MACROD2: variants seen among roughly 807,000 people sequenced by gnomAD.
MACROD2 encodes the protein mono-ADP ribosylhydrolase 2.
A neutral mutation model predicts 70.4 loss-of-function variants in MACROD2; 36 were observed. That is an observed-to-expected ratio of 0.51 (90% CI 0.39 to 0.68). The LOEUF (loss-of-function observed/expected upper bound fraction) is 0.68, where lower values mean the gene tolerates loss of function less well. Among genes scored for constraint, MACROD2 ranks in the 30% least tolerant of loss-of-function variants. MACROD2 has a pLI of 0.00. For synonymous variants in MACROD2, 172 were observed against 178.8 expected (o/e 0.96, Z 0.30); for missense variants, 496 against 538.4 (o/e 0.92, Z 0.78).
chr20:15,849,562 T>G (rs1248017957), intron 8 of MACROD2, among the ~76,000 whole-genome samples: 1 of 152,220 alleles, frequency 6.6e-6, no homozygotes, highest in East Asian at 1.9e-4. Flanking sequence ...TTTCTCCCAC[T>G]GATGGCATCT....
intron 6 of MACROD2, among the ~76,000 whole-genome samples, chr20:15,235,075 A>G (rs2077002011): frequency 6.6e-6 from 1 of 152,194 alleles, no homozygotes; most frequent in Non-Finnish European, 1.5e-5. Context: ...ATATTTGTCA[A>G]TCATATTAGG....
chr20:14,677,036 A>G (rs977315352), intron 4 of MACROD2, among the ~76,000 whole-genome samples: 1 of 152,102 alleles, frequency 6.6e-6, no homozygotes, highest in Non-Finnish European at 1.5e-5. Flanking sequence ...ATAGCTCTAC[A>G]TTCATTACTG....
At chr20:15,279,706 AGTAATTC>A (rs1279989660) in intron 6 of MACROD2, among the ~76,000 whole-genome samples, 5 of 152,348 alleles carry the variant, frequency 3.3e-5, no homozygotes, top group African/African-American at 1.2e-4. Flanking sequence ...ATCTACAAAT[AGTAATTC>A]ATAATGACTG....
At chr20:14,804,654 G>T (rs1003270116) in intron 5 of MACROD2, among the ~76,000 whole-genome samples, 3 of 151,964 alleles carry the variant, frequency 2.0e-5, no homozygotes, top group African/African-American at 7.3e-5. Context: ...GGGGTCTTCT[G>T]ATAGTGCTTC....
chr20:15,969,858 T>C (rs1371266612), intron 13 of MACROD2, among the ~76,000 whole-genome samples: 1 of 151,204 alleles, frequency 6.6e-6, no homozygotes, highest in Non-Finnish European at 1.5e-5. Flanking sequence ...CTAAGCAGAA[T>C]AAATATAAAT....
At chr20:15,683,561 C>T (rs2050188797) in intron 8 of MACROD2, among the ~76,000 whole-genome samples, 1 of 152,062 alleles carries the variant, frequency 6.6e-6, no homozygotes, top group African/African-American at 2.4e-5. Flanking sequence ...AGTCATTTAC[C>T]ATCCCTCAGG....
At chr20:15,562,031 T>C (rs1365917549) in intron 8 of MACROD2, among the ~76,000 whole-genome samples, 1 of 152,164 alleles carries the variant, frequency 6.6e-6, no homozygotes, top group East Asian at 1.9e-4. Context: ...TCTCGTACCA[T>C]TGGAAACAAT....
chr20:14,457,207 T>C (rs1457176178), intron 3 of MACROD2, among the ~76,000 whole-genome samples: 2 of 152,080 alleles, frequency 1.3e-5, no homozygotes, highest in Non-Finnish European at 2.9e-5. Flanking sequence ...TGTGAGAGGA[T>C]TAAAGATTCA....
intron 5 of MACROD2, among the ~76,000 whole-genome samples, chr20:14,945,118 T>C (rs999301854): frequency 1.3e-5 from 2 of 151,920 alleles, no homozygotes; most frequent in African/African-American, 4.8e-5. Flanking sequence ...TTCTTTCTTT[T>C]TTTTTTCTTT....
chr20:15,402,208 T>C (rs2045939907), intron 6 of MACROD2, among the ~76,000 whole-genome samples: 1 of 151,956 alleles, frequency 6.6e-6, no homozygotes. Context: ...CAATGGGCGG[T>C]GGTCTTGTGC....
chr20:15,793,965 T>A (rs2063649697), intron 8 of MACROD2, among the ~76,000 whole-genome samples: 1 of 149,184 alleles, frequency 6.7e-6, no homozygotes, highest in Non-Finnish European at 1.5e-5. Context: ...TATAATATAT[T>A]TAAAAGAATG....
intron 5 of MACROD2, among the ~76,000 whole-genome samples, chr20:14,817,314 A>G (rs2072785023): frequency 6.6e-6 from 1 of 152,158 alleles, no homozygotes; most frequent in African/African-American, 2.4e-5. Flanking sequence ...CTCATTAAGA[A>G]CATATTGCCC....
At position 15,892,380 on chromosome 20, in the gene MACROD2, G is replaced by C. The variant is rs140847554; in HGVS notation, c.775+6569G>C. On this transcript the variant is annotated intron_variant, in intron 10 of 17. Transcript: ENST00000684519. The stretch of plus-strand genomic sequence containing the variant: ...TTTAATTTATTTGCCCCCAAGGATA[G>C]ACTTAGAGGGACATTGAGGAAAATA... Among the ~76,000 whole-genome samples the C allele has an allele frequency of 8.5e-5, 13 of 152,318 alleles. No individual in the cohort carries two copies. In the East Asian group the frequency reaches 2.5e-3, roughly 29 times the overall value.
At chr20:14,217,067 G>A (rs1224337484) in intron 3 of MACROD2, among the ~76,000 whole-genome samples, 1 of 152,088 alleles carries the variant, frequency 6.6e-6, no homozygotes, top group Non-Finnish European at 1.5e-5. Context: ...GTGAGAGTGG[G>A]CATCCTTGTG....
intron 8 of MACROD2, among the ~76,000 whole-genome samples, chr20:15,673,225 A>AC (rs1229486660): frequency 6.6e-6 from 1 of 151,820 alleles, no homozygotes; most frequent in African/African-American, 2.4e-5. Context: ...TTTGATTCTA[A>AC]CCCCCACCCT....
intron 10 of MACROD2, among the ~76,000 whole-genome samples, chr20:15,919,002 G>A (rs1048521483): frequency 3.3e-5 from 5 of 152,152 alleles, no homozygotes; most frequent in Admixed American, 6.5e-5. Context: ...TAGACAGACC[G>A]ATTCTCATTT....
chr20:15,601,333 G>T (rs1484121709), intron 8 of MACROD2, among the ~76,000 whole-genome samples: 1 of 152,112 alleles, frequency 6.6e-6, no homozygotes, highest in Non-Finnish European at 1.5e-5. Context: ...TCTGCAGAAA[G>T]CCTGAACAGT....
At chr20:14,078,606 C>A (rs1429798586) in intron 2 of MACROD2, among the ~76,000 whole-genome samples, 1 of 152,164 alleles carries the variant, frequency 6.6e-6, no homozygotes, top group East Asian at 1.9e-4. Context: ...GGGGGTTTCA[C>A]CATGTTGACC....
At chr20:14,764,572 C>G (rs761465818) in intron 5 of MACROD2, among the ~76,000 whole-genome samples, 10 of 152,042 alleles carry the variant, frequency 6.6e-5, no homozygotes, top group Non-Finnish European at 1.5e-4. Flanking sequence ...CTGTGAGGAC[C>G]AGCAAGTACC....
Sources: gnomAD v4.1 joint callset for allele counts (sites outside exome capture counted in the v4.1 genomes callset) on GRCh38, gnomAD v4.1.1 for gene constraint, MANE v1.5 for transcripts, NCBI Gene and HGNC (gene_info 2026-07-23, HGNC 2026-07-21) for gene names.